HOXA2: variants seen among roughly 807,000 people sequenced by gnomAD.
The protein encoded by HOXA2 is homeobox protein Hox-A2.
In HOXA2, 4 loss-of-function variants were observed where a neutral mutation model predicts 27.2. That is an observed-to-expected ratio of 0.15 (90% confidence interval 0.07 to 0.34). The LOEUF is 0.34. Among genes scored for constraint, HOXA2 ranks in the 10% least tolerant of loss-of-function variants. The probability of loss-of-function intolerance (pLI) is 1.00; values close to 1 mark genes in which losing one functional copy is unlikely to be tolerated. For missense variants in HOXA2, 430 were observed against 473.2 expected (o/e 0.91, Z 0.85); for synonymous variants, 200 against 202.8 (o/e 0.99, Z 0.12).
rs770915666 is a variant in HOXA2, at chr7:27,102,100, T to G, written c.391+10A>C. ...GTCCCAGAGACCTGGGGCCAAGTCT[T>G]TGGACTGACCTTTGTGGCTGAGGCA... On this transcript the variant is annotated intron_variant, in intron 1 of 1. Coordinates refer to ENST00000222718, the MANE Select transcript of HOXA2 (RefSeq NM_006735.4). This position sits in a 1 kb window ranked among gnomAD's most constrained non-coding sequence, Gnocchi z 4.6. The G allele has an allele frequency of 1.9e-6, 3 of 1,607,380 alleles. No homozygotes were observed. The highest frequency in any genetic ancestry group is 2.5e-6 in the Non-Finnish European group (3 of 1,177,840).
In HOXA2 at chr7:27,102,453, C is replaced by T. The variant is rs753151469; in HGVS notation, c.48G>A (p.Pro16=). 6.2e-7 allele frequency: 1 copy of T among 1,614,016 alleles called. No individual in the cohort carries two copies. Among genetic ancestry groups the T allele is most frequent in the Non-Finnish European group, 8.5e-7 (1 of 1,179,902 alleles). Residue 16 remains proline, a synonymous_variant, in exon 1 of 2, where the codon CCG becomes CCA. Coordinates refer to ENST00000222718, the MANE Select transcript of HOXA2 (RefSeq NM_006735.4). The surrounding 1 kb of genome is among the most constrained non-coding windows in gnomAD (Gnocchi z 4.6). ...EREIGFINSQ[P]SLAECLTSFP... is the part of the protein sequence containing the mutation. ...AAGATGTCAGGCACTCAGCGAGCGACGGCTGGCTATTGATAAAACCAATCT... is the reference window on the plus strand; with the variant it reads ...AAGATGTCAGGCACTCAGCGAGCGATGGCTGGCTATTGATAAAACCAATCT...
Position 27,101,344 on chromosome 7 carries a change from G to A in HOXA2, c.513C>T (p.Pro171=), listed in dbSNP as rs765603928. 6.2e-7 allele frequency: 1 copy of A among 1,613,502 alleles called. No homozygotes were observed. Among genetic ancestry groups the A allele is most frequent in the South Asian group, 1.1e-5 (1 of 91,066 alleles). ...GCAGCGCTGCAATCTCCACCCTTCGGGGTCTGCAAAGGTACTTGTTGAAAT... is the reference window on the plus strand; with the variant it reads ...GCAGCGCTGCAATCTCCACCCTTCGAGGTCTGCAAAGGTACTTGTTGAAAT... ...EFHFNKYLCR[P]RRVEIAALLD... Residue 171 remains proline, a synonymous_variant, in exon 2 of 2, where the codon CCC becomes CCT. Transcript: ENST00000222718.
At position 27,102,598 on chromosome 7, in the gene HOXA2, A is replaced by T. The variant is rs1053647448; in HGVS notation, c.-98T>A. On this transcript the variant is annotated 5_prime_UTR_variant, in exon 1 of 2. Transcript: ENST00000222718. The surrounding 1 kb of genome is among the most constrained non-coding windows in gnomAD (Gnocchi z 4.6). Reference sequence around the variant, plus strand: ...GAAAAAGGCGAGCGCAGAGGAAAAAAAATCTATCATAGAATATCGCTGCTA... The same window carrying T: ...GAAAAAGGCGAGCGCAGAGGAAAAATAATCTATCATAGAATATCGCTGCTA... 8.3e-7 allele frequency: 1 copy of T among 1,207,150 alleles called. No individual in the cohort carries two copies. The highest frequency in any genetic ancestry group is 1.8e-5 in the Admixed American group (1 of 55,574). 74.8% of individuals were successfully genotyped at this position (1,207,150 alleles called of 1,614,324 possible).
chr7:27,100,787 T>A lies in HOXA2; in HGVS notation c.1070A>T (p.Asp357Val), dbSNP rs776467342. The A allele has an allele frequency of 1.9e-6, 3 of 1,614,194 alleles. No individual in the cohort carries two copies. The highest frequency in any genetic ancestry group is 2.5e-6 in the Non-Finnish European group (3 of 1,180,028). Residue 357 changes from aspartate (D) to valine (V), a missense_variant, in exon 2 of 2, where the codon GAC becomes GTC. Physicochemically the swap from Asp to Val is radical, Grantham distance 152 (BLOSUM62 -3). Transcript: ENST00000222718. ...TGTGTCTGTAAAAAAGTCTAAGCTG[T>A]CAGCTGAAATATCTACGGGACTGTC... Reference protein sequence around the residue: ...SLDSPVDISADSLDFFTDTLT... With the variant: ...SLDSPVDISAVSLDFFTDTLT...
rs1783913367 is a variant in HOXA2, at chr7:27,100,871, G to T, written c.986C>A (p.Ser329Tyr). Residue 329 changes from serine to tyrosine, a missense_variant, in exon 2 of 2, where the codon TCC becomes TAC. By Grantham distance (144) the Ser-to-Tyr change is moderately radical (BLOSUM62 -2). Around this residue, in one of 4 missense-constraint regions of HOXA2, gnomAD observed 236 missense variants for 208.5 expected, o/e 1.13. Transcript: ENST00000222718. Reference protein sequence around the residue: ...VPSLQDFSVFSTDSCLQLSDA... With the variant: ...VPSLQDFSVFYTDSCLQLSDA... ...TGAAAGCTGCAGGCAGGAATCTGTGGAGAAAACGCTAAAGTCCTGCAAAGA... is the reference window on the plus strand; with the variant it reads ...TGAAAGCTGCAGGCAGGAATCTGTGTAGAAAACGCTAAAGTCCTGCAAAGA... 6.2e-7 allele frequency: 1 copy of T among 1,614,240 alleles called. No homozygotes were observed. Among genetic ancestry groups the T allele is most frequent in the Non-Finnish European group, 8.5e-7 (1 of 1,180,044 alleles).
rs1253983645 is a variant in HOXA2 at position 27,101,421 on chromosome 7, G to A, written c.436C>T (p.Leu146=). 6.2e-7 allele frequency: 1 copy of A among 1,601,520 alleles called. No individual in the cohort carries two copies. Among genetic ancestry groups the A allele is most frequent in the African/African-American group, 1.3e-5 (1 of 74,948 alleles). The change falls in exon 2 of 2, where the codon CTG becomes TTG. Residue 146 remains leucine (L), a synonymous_variant. Coordinates refer to ENST00000222718, the MANE Select transcript of HOXA2 (RefSeq NM_006735.4). ...ADGSGGGSRR[L]RTAYTNTQLL... Reference sequence around the variant, plus strand: ...TGTGTGTTGGTGTAAGCAGTTCTCAGGCGCCGCGATCCCCCGCCGCTGCCA... The same window carrying A: ...TGTGTGTTGGTGTAAGCAGTTCTCAAGCGCCGCGATCCCCCGCCGCTGCCA...
In HOXA2 at chr7:27,101,265, G is replaced by T; in HGVS notation, c.592C>A (p.His198Asn). Residue 198 changes from histidine to asparagine, a missense_variant, in exon 2 of 2, where the codon CAC becomes AAC. His to Asn is a moderately conservative substitution (Grantham distance 68, BLOSUM62 1). Coordinates refer to ENST00000222718, the MANE Select transcript of HOXA2 (RefSeq NM_006735.4). ...TCCTTGCACTGGGTCTGCCTCTTGT[G>T]CTTCATCCTCCGGTTCTGAAACCAC... ...KVWFQNRRMK[H>N]KRQTQCKENQ... is the part of the protein sequence containing the mutation. The T allele has an allele frequency of 6.2e-7, 1 of 1,614,178 alleles. No individual in the cohort carries two copies. The highest frequency in any genetic ancestry group is 1.1e-5 in the South Asian group (1 of 91,082).
At position 27,101,157 on chromosome 7, in the gene HOXA2, C is replaced by T; in HGVS notation, c.700G>A (p.Glu234Lys). 2 of 1,614,168 alleles carry T rather than the reference C, an allele frequency of 1.2e-6. No homozygotes were observed. The highest frequency in any genetic ancestry group is 1.7e-6 in the Non-Finnish European group (2 of 1,180,034). The change falls in exon 2 of 2, where the codon GAG becomes AAG. Residue 234 changes from glutamate (E) to lysine (K), a missense_variant. By Grantham distance (56) the Glu-to-Lys change is moderately conservative. Around this residue, in one of 4 missense-constraint regions of HOXA2, gnomAD observed 236 missense variants for 208.5 expected, o/e 1.13. Transcript: ENST00000222718. Reference sequence around the variant, plus strand: ...GCCCCAGAGACGCTAAGGGCTTGCTCAAAGAGCGTCTTCTCTTCCTCGTCC... The same window carrying T: ...GCCCCAGAGACGCTAAGGGCTTGCTTAAAGAGCGTCTTCTCTTCCTCGTCC... ...EEDEEEKTLF[E>K]QALSVSGALL...
At chr7:27,101,497 G>A (rs763957850) in intron 1 of HOXA2, 32 bp from the exon 2 acceptor site, 1 of 1,598,342 alleles carries the variant, frequency 6.3e-7, no homozygotes, top group Non-Finnish European at 8.5e-7. Flanking sequence ...AGAGACACAC[G>A]CACAGTTGGA....
Position 27,101,074 on chromosome 7 carries a change from A to G in HOXA2, c.783T>C (p.Ala261=). The change falls in exon 2 of 2, where the codon GCT becomes GCC. Residue 261 remains alanine, a synonymous_variant. Transcript: ENST00000222718. ...GGGAGTCGCCATTGTGTCCATTGGG[A>G]GCCTGCTGCTGAGAGAGGGCATTTT... ...FQQNALSQQQ[A]PNGHNGDSQS... 1.2e-6 allele frequency: 2 copies of G among 1,614,122 alleles called. No homozygotes were observed. The highest frequency in any genetic ancestry group is 2.2e-5 in the South Asian group (2 of 91,066).
In HOXA2 at chr7:27,100,838, A is replaced by T; in HGVS notation, c.1019T>A (p.Val340Asp). ...GAGGGAACCTGGCAAACTGGGTGAA[A>T]CTGCATCTGAAAGCTGCAGGCAGGA... ...TDSCLQLSDA[V>D]SPSLPGSLDS... The change falls in exon 2 of 2, where the codon GTT (valine) becomes GAT (aspartate). Residue 340 changes from valine to aspartate, a missense_variant. By Grantham distance (152) the Val-to-Asp change is radical (BLOSUM62 -3). Transcript: ENST00000222718. 1 of 1,614,190 alleles carries T rather than the reference A, an allele frequency of 6.2e-7. No homozygotes were observed. The highest frequency in any genetic ancestry group is 2.2e-5 in the East Asian group (1 of 44,882).
chr7:27,100,879 G>T lies in HOXA2; in HGVS notation c.978C>A (p.Ser326Arg), dbSNP rs1583407548. ...GCAGGCAGGAATCTGTGGAGAAAAC[G>T]CTAAAGTCCTGCAAAGAGGGGACCT... Reference protein sequence around the residue: ...ALEVPSLQDFSVFSTDSCLQL... With the variant: ...ALEVPSLQDFRVFSTDSCLQL... Residue 326 changes from serine to arginine, a missense_variant, in exon 2 of 2, where the codon AGC becomes AGA. Physicochemically the swap from Ser to Arg is moderately radical, Grantham distance 110 (BLOSUM62 -1). This residue lies in a region of HOXA2 where 236 missense variants were observed against 208.5 expected (regional missense o/e 1.13). Coordinates refer to ENST00000222718, the MANE Select transcript of HOXA2 (RefSeq NM_006735.4). The T allele has an allele frequency of 6.2e-7, 1 of 1,614,204 alleles. No individual in the cohort carries two copies. Among genetic ancestry groups the T allele is most frequent in the Non-Finnish European group, 8.5e-7 (1 of 1,180,036 alleles).
rs956731926 is a variant in HOXA2 at position 27,101,672 on chromosome 7, C to T, written c.392-207G>A. ...CTCCTCCATCTCTATCGAATTCATG[C>T]CTGTGGCTCCCCCCAACCTCTTCAT... On this transcript the variant is annotated intron_variant, in intron 1 of 1. Coordinates refer to ENST00000222718, the MANE Select transcript of HOXA2 (RefSeq NM_006735.4). The T allele has an allele frequency of 5.0e-5, 34 of 674,766 alleles. No homozygotes were observed. The African/African-American group carries it at 5.4e-4, about 11-fold the overall frequency. 41.8% of individuals were successfully genotyped at this position (674,766 alleles called of 1,614,324 possible). A position where few individuals can be genotyped will look rare whatever the true frequency, so the allele number is the denominator to read the frequency against.
rs978694724 is a variant in HOXA2, at chr7:27,102,592, GA to G, written c.-93del. 3.1e-5 allele frequency: 40 copies of G among 1,286,788 alleles called. No individual in the cohort carries two copies. The highest frequency in any genetic ancestry group is 6.1e-5 in the South Asian group (5 of 82,138). The allele number at this position is 1,286,788 out of a possible 1,614,324, so 79.7% of individuals were successfully genotyped here. Reference sequence around the variant, plus strand: ...GCCTAGGAAAAAGGCGAGCGCAGAGGAAAAAAAATCTATCATAGAATATCGC... The same window carrying G: ...GCCTAGGAAAAAGGCGAGCGCAGAGGAAAAAAATCTATCATAGAATATCGC... On this transcript the variant is annotated 5_prime_UTR_variant, in exon 1 of 2. The change creates a premature stop within an existing upstream ORF in the 5' untranslated region. Transcript: ENST00000222718. The surrounding 1 kb of genome is among the most constrained non-coding windows in gnomAD (Gnocchi z 4.6).
chr7:27,100,909 G>A lies in HOXA2; in HGVS notation c.948C>T (p.Ala316=), dbSNP rs1187600093. 7 of 1,614,098 alleles carry A rather than the reference G, an allele frequency of 4.3e-6. No individual in the cohort carries two copies. The highest frequency in any genetic ancestry group is 5.9e-6 in the Non-Finnish European group (7 of 1,180,040). ...GAGLNNDSPE[A]LEVPSLQDFS... ...AGTCCTGCAAAGAGGGGACCTCAAG[G>A]GCCTCAGGACTGTCATTGTTTAGGC... Residue 316 remains alanine, a synonymous_variant, in exon 2 of 2, where the codon GCC becomes GCT. Coordinates refer to ENST00000222718, the MANE Select transcript of HOXA2 (RefSeq NM_006735.4).
chr7:27,100,429 A>C lies in HOXA2; in HGVS notation c.*297T>G, dbSNP rs1420741792. ...ATCCCAATGTAATACAAAAATAAAA[A>C]GAAAGTGAAGATACAATTATATGAT... On this transcript the variant is annotated 3_prime_UTR_variant, in exon 2 of 2. Transcript: ENST00000222718. 1 of 361,134 alleles carries C rather than the reference A, an allele frequency of 2.8e-6. No individual in the cohort carries two copies. The highest frequency in any genetic ancestry group is 2.1e-5 in the African/African-American group (1 of 48,094). The allele number at this position is 361,134 out of a possible 1,614,324, so 22.4% of individuals were successfully genotyped here.
At position 27,102,318 on chromosome 7, in the gene HOXA2, G is replaced by T. The variant is rs144302582; in HGVS notation, c.183C>A (p.Pro61=). 28 of 1,609,958 alleles carry T rather than the reference G, an allele frequency of 1.7e-5. No individual in the cohort carries two copies. The highest frequency in any genetic ancestry group is 2.4e-5 in the Non-Finnish European group (28 of 1,178,114). Residue 61 remains proline (P), a synonymous_variant, in exon 1 of 2, where the codon CCC becomes CCA. Transcript: ENST00000222718. This position sits in a 1 kb window ranked among gnomAD's most constrained non-coding sequence, Gnocchi z 4.6. ...PFEQTIPSLN[P]GSHPRHGAGG... ...CAGCGCCGTGGCGAGGGTGACTGCC[G>T]GGGTTCAGGCTGGGAATGGTCTGCT...
Position 27,101,469 on chromosome 7 carries a change from CG to C in HOXA2, c.392-5del, listed in dbSNP as rs1783925109. The C allele has an allele frequency of 6.3e-7, 1 of 1,599,502 alleles. No individual in the cohort carries two copies. Among genetic ancestry groups the C allele is most frequent in the South Asian group, 1.1e-5 (1 of 91,066 alleles). ...CCATCGGCGATTTCCAGGGATTCTGCGGAAAGGGAAACCAACAAGAGACACA... is the reference window on the plus strand; with the variant it reads ...CCATCGGCGATTTCCAGGGATTCTGCGAAAGGGAAACCAACAAGAGACACA... On this transcript the variant is annotated splice_polypyrimidine_tract_variant and splice_region_variant and intron_variant, in intron 1 of 1. Coordinates refer to ENST00000222718, the MANE Select transcript of HOXA2 (RefSeq NM_006735.4).
chr7:27,101,641 C>T, intron 1 of HOXA2, 176 bp from the exon 2 acceptor site: 1 of 753,160 alleles, frequency 1.3e-6, no homozygotes, highest in East Asian at 2.7e-5. Context: ...CCTGGGCAGA[C>T]CCCGTCTCCT....
Sources: allele counts gnomAD v4.1 joint callset, GRCh38; gene constraint gnomAD v4.1.1; regional missense constraint gnomAD v4.1.1; non-coding constraint Gnocchi (gnomAD v3.1); transcripts MANE v1.5; gene names NCBI Gene and HGNC (gene_info 2026-07-23, HGNC 2026-07-21).